PUM1: variants seen among roughly 807,000 people sequenced by gnomAD.
The protein encoded by PUM1 is pumilio homolog 1.
PUM1 carries 13 observed loss-of-function variants against 131.8 expected under a neutral mutation model. That is an observed-to-expected ratio of 0.10 (90% CI 0.06 to 0.16). The LOEUF (loss-of-function observed/expected upper bound fraction) is 0.16, where lower values mean the gene tolerates loss of function less well. Among genes scored for constraint, PUM1 ranks in the 10% least tolerant of loss-of-function variants. The pLI, the probability that PUM1 is intolerant of heterozygous loss-of-function variation, is 1.00. For synonymous variants in PUM1, 509 were observed against 556.5 expected (o/e 0.91, Z 1.20); for missense variants, 961 against 1,512.4 (o/e 0.64, Z 6.05).
intron 21 of PUM1, chr1:30,935,621 G>A (rs1002443934): frequency 1.1e-5 from 5 of 455,048 alleles, no homozygotes; most frequent in Middle Eastern, 5.7e-4. Flanking sequence ...GCCTTCAACT[G>A]CCACTGCCAA....
chr1:30,956,425 G>A (rs927908582), intron 14 of PUM1, among the ~76,000 whole-genome samples: 3 of 151,914 alleles, frequency 2.0e-5, no homozygotes, highest in Non-Finnish European at 2.9e-5. Context: ...CACCACGCCC[G>A]GCTAATTTTT....
At chr1:31,045,254 C>T (rs1010247449) in intron 2 of PUM1, among the ~76,000 whole-genome samples, 2 of 152,106 alleles carry the variant, frequency 1.3e-5, no homozygotes, top group African/African-American at 4.8e-5. Flanking sequence ...CTGCCTCGGC[C>T]TCTTGAGTAG....
At chr1:31,039,493 G>GAT (rs1347641195) in intron 2 of PUM1, among the ~76,000 whole-genome samples, 3 of 152,096 alleles carry the variant, frequency 2.0e-5, no homozygotes, top group Non-Finnish European at 2.9e-5. Context: ...AAAGTGCTGG[G>GAT]ATAACAGGCA....
chr1:31,005,237 T>C (rs570857568), intron 5 of PUM1, among the ~76,000 whole-genome samples: 3 of 152,340 alleles, frequency 2.0e-5, no homozygotes, highest in South Asian at 4.1e-4. Context: ...CAGAGACTTA[T>C]TTGACTTCAG....
Position 30,933,014 on chromosome 1 carries a change from AT to A in PUM1, c.*196del. 2 of 579,626 alleles carry A rather than the reference AT, an allele frequency of 3.5e-6. No homozygotes were observed. The highest frequency in any genetic ancestry group is 5.7e-6 in the Non-Finnish European group (2 of 348,214). 35.9% of individuals were successfully genotyped at this position (579,626 alleles called of 1,614,324 possible). ...ATTAGTCAATTAAAAAAAATAGTAC[AT>A]GTTATGTGTAATAAAATTAAATTTA... On this transcript the variant is annotated 3_prime_UTR_variant, in exon 22 of 22. Coordinates refer to ENST00000426105, the MANE Select transcript of PUM1 (RefSeq NM_001020658.2).
chr1:30,999,869 C>T (rs776058434), intron 5 of PUM1, among the ~76,000 whole-genome samples: 32 of 152,158 alleles, frequency 2.1e-4, no homozygotes, highest in Non-Finnish European at 4.1e-4. Flanking sequence ...TAACACTATA[C>T]ATGACATCAA....
At chr1:31,064,590 AT>A (rs1293754119) in intron 1 of PUM1, among the ~76,000 whole-genome samples, 1 of 152,178 alleles carries the variant, frequency 6.6e-6, no homozygotes, top group African/African-American at 2.4e-5. Context: ...GAAAAGCTTC[AT>A]AAAATCTTAT....
At chr1:30,934,276 T>C (rs560446334) in intron 21 of PUM1, among the ~76,000 whole-genome samples, 3 of 152,356 alleles carry the variant, frequency 2.0e-5, no homozygotes, top group Non-Finnish European at 2.9e-5. Flanking sequence ...TGCTTAATTA[T>C]CAATCTTTCC....
chr1:31,038,938 A>T (rs1643704788), intron 2 of PUM1, among the ~76,000 whole-genome samples: 1 of 126,474 alleles, frequency 7.9e-6, no homozygotes, highest in Admixed American at 8.0e-5. Flanking sequence ...TTATATAGCC[A>T]TTTAAAATGT....
At chr1:31,005,819 G>C in intron 5 of PUM1, 34 bp downstream of exon 5, 2 of 1,237,476 alleles carry the variant, frequency 1.6e-6, no homozygotes, top group Non-Finnish European at 2.2e-6. Flanking sequence ...GAGAGAGAGA[G>C]AGAGATAGGA....
intron 2 of PUM1, among the ~76,000 whole-genome samples, chr1:31,031,452 A>T (rs1260230229): frequency 6.6e-6 from 1 of 152,198 alleles, no homozygotes; most frequent in Non-Finnish European, 1.5e-5. Flanking sequence ...CATTTTAGAG[A>T]TTAGGAAACT....
In PUM1 at chr1:30,973,874, G is replaced by T. The variant is rs901164681; in HGVS notation, c.1506+777C>A. Among the ~76,000 whole-genome samples the T allele has an allele frequency of 3.9e-5, 6 of 151,942 alleles. No homozygotes were observed. The East Asian group carries it at 1.2e-3, about 29-fold the overall frequency. On this transcript the variant is annotated intron_variant, in intron 10 of 21. Transcript: ENST00000426105. ...GGAGGCCGAGGCGGGTGGATCACGA[G>T]GTCAGGAGTTTGAGACAAGCCTGAC... is the stretch of plus-strand genomic sequence containing the variant.
At chr1:30,992,706 A>G (rs773175929) in intron 6 of PUM1, 46 bp from the exon 7 acceptor site, 1 of 1,555,448 alleles carries the variant, frequency 6.4e-7, no homozygotes, top group East Asian at 2.3e-5. Flanking sequence ...TTCAGTGGGG[A>G]GGGACTACAG....
chr1:31,063,028 A>C (rs887009434), intron 1 of PUM1, among the ~76,000 whole-genome samples: 3 of 152,156 alleles, frequency 2.0e-5, no homozygotes, highest in Non-Finnish European at 4.4e-5. Flanking sequence ...AAAACCAAAA[A>C]GTCATAGCCC....
chr1:30,972,545 G>A (rs1490669194), intron 10 of PUM1, among the ~76,000 whole-genome samples: 2 of 149,276 alleles, frequency 1.3e-5, no homozygotes, highest in African/African-American at 2.5e-5. Flanking sequence ...AGGCCGAGGG[G>A]GGTGGATCAC....
intron 2 of PUM1, among the ~76,000 whole-genome samples, chr1:31,046,095 A>C (rs1026182086): frequency 2.0e-5 from 3 of 150,230 alleles, no homozygotes; most frequent in Non-Finnish European, 4.4e-5. Context: ...ATAATTTAGA[A>C]AAAAAAAAGG....
At chr1:31,016,397 A>G (rs574354211) in intron 3 of PUM1, among the ~76,000 whole-genome samples, 2 of 152,312 alleles carry the variant, frequency 1.3e-5, no homozygotes, top group Admixed American at 6.5e-5. Flanking sequence ...AAAAATAAGT[A>G]TATAAAGCAA....
chr1:30,981,575 T>A (rs2124469693), intron 7 of PUM1, among the ~76,000 whole-genome samples, 170 bp from the exon 8 acceptor site: 1 of 152,336 alleles, frequency 6.6e-6, no homozygotes, highest in East Asian at 1.9e-4. Flanking sequence ...TTCATACTTC[T>A]GTTCTCCCTG....
chr1:30,934,053 G>C (rs79864779), intron 21 of PUM1, among the ~76,000 whole-genome samples: 96 of 151,888 alleles, frequency 6.3e-4, no homozygotes, highest in Admixed American at 1.7e-3. Context: ...CTCAAGGCAC[G>C]CCCGCCACAC....
Sources: allele counts gnomAD v4.1 joint callset (sites outside exome capture counted in the v4.1 genomes callset), GRCh38; gene constraint gnomAD v4.1.1; transcripts MANE v1.5; gene names NCBI Gene and HGNC (gene_info 2026-07-23, HGNC 2026-07-21).